Variants in PHACTR1 observed in about 807,000 individuals in gnomAD.
PHACTR1 encodes RPEL repeat containing 1.
A neutral mutation model predicts 69.2 loss-of-function variants in PHACTR1; 16 were observed. The ratio of observed to expected loss-of-function variants is 0.23; its 90% CI spans 0.16 to 0.35. The LOEUF (loss-of-function observed/expected upper bound fraction) is 0.35. PHACTR1 is among the 10% of genes least tolerant of loss of function. The probability of loss-of-function intolerance (pLI) is 1.00; values close to 1 mark genes in which losing one functional copy is unlikely to be tolerated. For synonymous variants in PHACTR1, 312 were observed against 284.5 expected (o/e 1.10, Z -0.97); for missense variants, 510 against 734.7 (o/e 0.69, Z 3.54).
intron 4 of PHACTR1, among the ~76,000 whole-genome samples, chr6:12,889,359 A>G (rs528348388): frequency 6.6e-6 from 1 of 152,244 alleles, no homozygotes; most frequent in Non-Finnish European, 1.5e-5. Flanking sequence ...CTTCAGTAAG[A>G]TGAATGAGCC....
chr6:12,934,896 C>T (rs1172150533), intron 4 of PHACTR1, among the ~76,000 whole-genome samples: 2 of 151,972 alleles, frequency 1.3e-5, no homozygotes, highest in African/African-American at 2.4e-5. Flanking sequence ...ACCGGGTACA[C>T]GTTTGTACTG....
intron 5 of PHACTR1, among the ~76,000 whole-genome samples, chr6:13,130,199 G>A (rs919505853): frequency 1.3e-5 from 2 of 152,064 alleles, no homozygotes; most frequent in African/African-American, 4.8e-5. Context: ...AAGTCTGAAA[G>A]AGTGCAAATA....
intron 4 of PHACTR1, among the ~76,000 whole-genome samples, chr6:12,862,447 C>T (rs1236910723): frequency 6.6e-6 from 1 of 152,070 alleles, no homozygotes; most frequent in Non-Finnish European, 1.5e-5. Context: ...GGAAACACAC[C>T]TCTACTGTCC....
intron 7 of PHACTR1, among the ~76,000 whole-genome samples, chr6:13,189,664 T>A (rs535271635): frequency 6.6e-6 from 1 of 152,298 alleles, no homozygotes; most frequent in East Asian, 1.9e-4. Context: ...CCTCCCAAAG[T>A]GCTGGGATTA....
intron 4 of PHACTR1, among the ~76,000 whole-genome samples, chr6:12,872,387 A>AT (rs1299723256): frequency 6.6e-6 from 1 of 152,160 alleles, no homozygotes; most frequent in East Asian, 1.9e-4. Context: ...CTCTTACTGG[A>AT]TGTTTGAAAA....
At chr6:12,810,213 G>A (rs1347693423) in intron 4 of PHACTR1, among the ~76,000 whole-genome samples, 5 of 152,140 alleles carry the variant, frequency 3.3e-5, no homozygotes, top group African/African-American at 1.2e-4. Flanking sequence ...TCAAAGTTAG[G>A]TATTTTCAAA....
intron 4 of PHACTR1, among the ~76,000 whole-genome samples, chr6:12,946,686 G>A (rs945983609): frequency 3.2e-4 from 48 of 152,012 alleles, no homozygotes; most frequent in African/African-American, 1.0e-3. Flanking sequence ...AAATGAAAAA[G>A]TAGCTTAGAG....
At chr6:13,096,586 T>A (rs1393199887) in intron 5 of PHACTR1, among the ~76,000 whole-genome samples, 1 of 152,170 alleles carries the variant, frequency 6.6e-6, no homozygotes, top group Non-Finnish European at 1.5e-5. Context: ...AAATATGTCA[T>A]TTTGTCCTGT....
In PHACTR1 at chr6:12,951,526, G is replaced by T. The variant is rs1052481460; in HGVS notation, c.251-101839G>T. Among the ~76,000 whole-genome samples, 3 of 152,372 alleles carry T rather than the reference G, an allele frequency of 2.0e-5. No homozygotes were observed. The East Asian group carries it at 5.8e-4, about 29-fold the overall frequency. ...AGATGAGGAAACTGAGGCTCTCAGA[G>T]GGTAAAGTACTTTGCCCAGCAGAGA... On this transcript the variant is annotated intron_variant, in intron 4 of 14. Coordinates refer to ENST00000332995, the MANE Select transcript of PHACTR1 (RefSeq NM_030948.6).
chr6:13,195,757 C>CA (rs869092852), intron 7 of PHACTR1, among the ~76,000 whole-genome samples: 826 of 41,292 alleles, frequency 0.02, 104 homozygotes, highest in Non-Finnish European at 0.032. Flanking sequence ...GACACCGTCT[C>CA]AAAAAAAAAA....
intron 4 of PHACTR1, among the ~76,000 whole-genome samples, chr6:12,955,729 G>A (rs949135918): frequency 1.3e-5 from 2 of 152,272 alleles, no homozygotes; most frequent in Non-Finnish European, 1.5e-5. Flanking sequence ...CACCTGGAGG[G>A]AGAGACATAA....
intron 4 of PHACTR1, among the ~76,000 whole-genome samples, chr6:12,995,217 T>A (rs1797282534): frequency 6.7e-6 from 1 of 148,854 alleles, no homozygotes; most frequent in Non-Finnish European, 1.5e-5. Flanking sequence ...AACATAAGAA[T>A]ATGTTAAAGT....
chr6:13,176,820 G>T (rs1002701733), intron 6 of PHACTR1, among the ~76,000 whole-genome samples: 2 of 151,928 alleles, frequency 1.3e-5, no homozygotes, highest in Non-Finnish European at 2.9e-5. Flanking sequence ...ATATTCAATG[G>T]TTATTTATTA....
At chr6:12,738,384 G>T (rs1471893262) in intron 3 of PHACTR1, among the ~76,000 whole-genome samples, 1 of 152,148 alleles carries the variant, frequency 6.6e-6, no homozygotes, top group African/African-American at 2.4e-5. Flanking sequence ...TTTGAAACTA[G>T]TAAGTGTATG....
At chr6:13,238,869 A>T (rs11966270) in intron 10 of PHACTR1, among the ~76,000 whole-genome samples, 19,163 of 152,164 alleles carry the variant, frequency 0.13, 1,682 homozygotes, top group Admixed American at 0.24. Context: ...TTCAACTTGG[A>T]CTTACTTAGT....
At chr6:12,961,703 G>A (rs1392115748) in intron 4 of PHACTR1, among the ~76,000 whole-genome samples, 3 of 152,160 alleles carry the variant, frequency 2.0e-5, no homozygotes, top group Non-Finnish European at 4.4e-5. Flanking sequence ...GTATTGGTTG[G>A]CTAAGGCTGC....
chr6:12,990,987 T>C (rs1413541861), intron 4 of PHACTR1, among the ~76,000 whole-genome samples: 1 of 152,152 alleles, frequency 6.6e-6, no homozygotes, highest in East Asian at 1.9e-4. Context: ...CTGGGGTTTA[T>C]ATGGGCACAG....
chr6:12,784,429 C>T (rs1771247336), intron 4 of PHACTR1, among the ~76,000 whole-genome samples: 2 of 151,022 alleles, frequency 1.3e-5, no homozygotes, highest in Non-Finnish European at 2.9e-5. Flanking sequence ...TACACATATA[C>T]ATATACACAC....
intron 4 of PHACTR1, among the ~76,000 whole-genome samples, chr6:12,911,043 A>T (rs2127495628): frequency 1.3e-5 from 2 of 152,342 alleles, no homozygotes; most frequent in South Asian, 4.1e-4. Flanking sequence ...ATGGTGAGGA[A>T]CAGTCCCCAA....
Sources: gnomAD v4.1 joint callset for allele counts (sites outside exome capture counted in the v4.1 genomes callset) on GRCh38, gnomAD v4.1.1 for gene constraint, MANE v1.5 for transcripts, NCBI Gene and HGNC (gene_info 2026-07-23, HGNC 2026-07-21) for gene names.